Variants in TUSC3 observed in about 807,000 individuals in gnomAD.
TUSC3 encodes the protein tumor suppressor candidate 3.
Under a neutral mutation model 44.8 loss-of-function variants are expected in TUSC3, and 45 were observed. The observed-to-expected ratio is 1.00, with a 90% confidence interval of 0.79 to 1.29. The LOEUF is 1.29. TUSC3 is among the 50% of genes most tolerant of loss of function. The pLI is 0.00. For missense variants in TUSC3, 519 were observed against 437.9 expected (o/e 1.19, Z -1.65); for synonymous variants, 212 against 152.9 (o/e 1.39, Z -2.85).
chr8:15,532,484 G>A (rs11997121), intron 2 of TUSC3, among the ~76,000 whole-genome samples: 10,102 of 152,208 alleles, frequency 0.066, 618 homozygotes, highest in African/African-American at 0.16. Context: ...ACTATGGTCC[G>A]TGTTTTTCTG....
At chr8:15,504,621 A>ATATTTTT (rs1345504233) in intron 2 of TUSC3, among the ~76,000 whole-genome samples, 2 of 20,292 alleles carry the variant, frequency 9.9e-5, no homozygotes, top group Non-Finnish European at 8.1e-5. Flanking sequence ...ATATATATAT[A>ATATTTTT]TTTTTTTTTT....
intron 4 of TUSC3, 85 bp from the exon 5 acceptor site, chr8:15,662,071 G>A (rs549854881): frequency 4.2e-5 from 62 of 1,490,562 alleles, no homozygotes; most frequent in East Asian, 9.4e-5. Flanking sequence ...AGTTCTTTGC[G>A]TTGAAAATTA....
chr8:15,549,795 A>G (rs1430928566), intron 1 of TUSC3, among the ~76,000 whole-genome samples: 1 of 151,494 alleles, frequency 6.6e-6, no homozygotes, highest in Non-Finnish European at 1.5e-5. Context: ...TGAAGCATTT[A>G]TGAGGAAGGA....
At chr8:15,692,446 G>A (rs1226614749) in intron 6 of TUSC3, among the ~76,000 whole-genome samples, 1 of 134,338 alleles carries the variant, frequency 7.4e-6, no homozygotes, top group African/African-American at 2.8e-5. Flanking sequence ...TATACATCTG[G>A]TAGAATTTGG....
chr8:15,613,458 T>C (rs1804850067), intron 1 of TUSC3, among the ~76,000 whole-genome samples: 2 of 152,188 alleles, frequency 1.3e-5, no homozygotes, highest in Admixed American at 1.3e-4. Context: ...TTTCCATGCA[T>C]TGGCCCATGC....
At chr8:15,497,243 G>A (rs964697126) in intron 2 of TUSC3, among the ~76,000 whole-genome samples, 6 of 152,162 alleles carry the variant, frequency 3.9e-5, no homozygotes, top group African/African-American at 1.2e-4. Context: ...TAGAGTGTTA[G>A]CGTCTGCTTC....
chr8:15,813,016 C>A, the TUSC3 span, among the ~76,000 whole-genome samples: 2 of 152,032 alleles, frequency 1.3e-5, no homozygotes, highest in Non-Finnish European at 2.9e-5. Context: ...ATCGCTTGAA[C>A]CTGGGAAGCA....
At chr8:15,525,670 G>T (rs917325818) in intron 2 of TUSC3, among the ~76,000 whole-genome samples, 3 of 152,102 alleles carry the variant, frequency 2.0e-5, no homozygotes, top group Admixed American at 6.5e-5. Flanking sequence ...GAAAGACAGA[G>T]CTCATGGTGG....
intron 6 of TUSC3, among the ~76,000 whole-genome samples, chr8:15,703,472 G>A (rs562109789): frequency 6.6e-6 from 1 of 152,132 alleles, no homozygotes; most frequent in African/African-American, 2.4e-5. Flanking sequence ...GAAAATAACA[G>A]CTTTGGGCAG....
chr8:15,689,821 G>T (rs963197686), intron 6 of TUSC3, among the ~76,000 whole-genome samples: 6 of 131,022 alleles, frequency 4.6e-5, no homozygotes, highest in Non-Finnish European at 6.3e-5. Flanking sequence ...AATAGTCCAT[G>T]GTGTGTGTGT....
the TUSC3 span, among the ~76,000 whole-genome samples, chr8:15,848,519 C>T: frequency 6.6e-6 from 1 of 152,158 alleles, no homozygotes; most frequent in Admixed American, 6.5e-5. Context: ...CCCATCTATC[C>T]CAGGCAGCTT....
At chr8:15,599,872 T>G (rs1166680252) in intron 1 of TUSC3, among the ~76,000 whole-genome samples, 1 of 151,672 alleles carries the variant, frequency 6.6e-6, no homozygotes, top group Non-Finnish European at 1.5e-5. Context: ...TCTGTTCTCC[T>G]TAAATGTTGG....
At chr8:15,635,087 C>T (rs1363169765) in intron 2 of TUSC3, among the ~76,000 whole-genome samples, 4 of 152,018 alleles carry the variant, frequency 2.6e-5, no homozygotes, top group Non-Finnish European at 5.9e-5. Context: ...GGTAGGCTGC[C>T]ACCCAGGGGA....
chr8:15,459,507 G>A (rs73534234), intron 1 of TUSC3, among the ~76,000 whole-genome samples: 3,701 of 152,028 alleles, frequency 0.024, 161 homozygotes, highest in African/African-American at 0.083. Context: ...GGTACAGGTG[G>A]TGTTTGGTTA....
chr8:15,812,426 A>G, the TUSC3 span, among the ~76,000 whole-genome samples: 6 of 151,602 alleles, frequency 4.0e-5, no homozygotes, highest in South Asian at 4.1e-4. Flanking sequence ...TGATTTCAAT[A>G]TATCTATTTT....
At chr8:15,434,648 A>C (rs1301131812) in intron 1 of TUSC3, among the ~76,000 whole-genome samples, 1 of 150,802 alleles carries the variant, frequency 6.6e-6, no homozygotes, top group Non-Finnish European at 1.5e-5. Context: ...GTCATTTAGC[A>C]TTAGGTATAT....
chr8:15,797,120 G>A, the TUSC3 span, among the ~76,000 whole-genome samples: 1 of 152,286 alleles, frequency 6.6e-6, no homozygotes, highest in South Asian at 2.1e-4. Context: ...TTTATCAGAG[G>A]CACAAAGTAG....
chr8:15,556,352 C>T (rs1563287886), intron 1 of TUSC3, among the ~76,000 whole-genome samples: 1 of 150,556 alleles, frequency 6.6e-6, no homozygotes, highest in Non-Finnish European at 1.5e-5. Context: ...TTTATGGCTG[C>T]ATAGTATTCC....
chr8:15,505,577 C>G (rs1801041229), intron 2 of TUSC3, among the ~76,000 whole-genome samples: 1 of 152,068 alleles, frequency 6.6e-6, no homozygotes. Context: ...ACAGTATGTC[C>G]CAAGCTTGTC....
Sources: allele counts gnomAD v4.1 joint callset (sites outside exome capture counted in the v4.1 genomes callset), GRCh38; gene constraint gnomAD v4.1.1; transcripts MANE v1.5; gene names NCBI Gene and HGNC (gene_info 2026-07-23, HGNC 2026-07-21).